NHS: variants seen among roughly 807,000 people sequenced by gnomAD.
NHS encodes NHS actin remodeling regulator.
NHS carries 5 observed loss-of-function variants against 72.5 expected under a neutral mutation model. That is an observed-to-expected ratio of 0.07 (90% CI 0.04 to 0.14). The LOEUF (loss-of-function observed/expected upper bound fraction) is 0.14. Among genes scored for constraint, NHS ranks in the 10% least tolerant of loss-of-function variants. The pLI is 1.00. For synonymous variants in NHS, 464 were observed against 547.7 expected, an observed-to-expected ratio of 0.85 and a Z score of 2.13; for missense variants, 1,072 against 1,355.7, an observed-to-expected ratio of 0.79 and a Z score of 3.29.
rs922764589 is a variant in NHS, at chrX:17,432,660, G to T, written c.565+56338G>T. Among the ~76,000 whole-genome samples, 12 of 112,049 alleles carry T rather than the reference G, an allele frequency of 1.1e-4. No individual in the cohort carries two copies. The Admixed American group carries it at 1.1e-3, about 11-fold the overall frequency. Reference sequence around the variant, plus strand: ...CAATTGTTTTGGTATTTCCTGTTAGGACTTGCATGGAGGGCAATAAATATT... The same window carrying T: ...CAATTGTTTTGGTATTTCCTGTTAGTACTTGCATGGAGGGCAATAAATATT... On this transcript the variant is annotated intron_variant, in intron 1 of 8. Transcript: ENST00000676302.
At chrX:17,469,709 C>T (rs1273993231) in intron 1 of NHS, among the ~76,000 whole-genome samples, 10 of 112,237 alleles carry the variant, frequency 8.9e-5, no homozygotes, top group African/African-American at 3.2e-4. Context: ...GGCGTGATCT[C>T]GACTCTCTGC....
At chrX:17,503,052 T>G (rs2065042749) in intron 1 of NHS, among the ~76,000 whole-genome samples, 1 of 112,092 alleles carries the variant, frequency 8.9e-6, no homozygotes, top group African/African-American at 3.2e-5. Context: ...TCTTTAAAAA[T>G]GACCTAATCT....
chrX:17,689,394 T>C (rs1210067592), intron 2 of NHS, among the ~76,000 whole-genome samples: 1 of 112,352 alleles, frequency 8.9e-6, no homozygotes, highest in Non-Finnish European at 1.9e-5. Context: ...TTCAATTTTA[T>C]AGTTGGCTAA....
chrX:17,420,205 TA>T (rs1277700085), intron 1 of NHS, among the ~76,000 whole-genome samples: 1 of 112,249 alleles, frequency 8.9e-6, no homozygotes, highest in Non-Finnish European at 1.9e-5. Context: ...TTTGAGAAGC[TA>T]AAAAATAATT....
At chrX:17,437,979 C>T (rs2064732083) in intron 1 of NHS, among the ~76,000 whole-genome samples, 1 of 112,011 alleles carries the variant, frequency 8.9e-6, no homozygotes, top group African/African-American at 3.3e-5. Context: ...CATTTCAAAA[C>T]ATCATGCTGT....
chrX:17,627,838 T>C (rs1472212192), intron 1 of NHS, among the ~76,000 whole-genome samples: 2 of 112,473 alleles, frequency 1.8e-5, no homozygotes, highest in Non-Finnish European at 3.8e-5. Context: ...GCCCAAATCC[T>C]CTTCTACCTG....
At chrX:17,523,542 G>A (rs764613909) in intron 1 of NHS, among the ~76,000 whole-genome samples, 3 of 111,998 alleles carry the variant, frequency 2.7e-5, no homozygotes, top group Non-Finnish European at 5.6e-5. Flanking sequence ...CTCATCCCAA[G>A]GCTCCTGACA....
chrX:17,380,227 G>A (rs1205655304), intron 1 of NHS, among the ~76,000 whole-genome samples: 1 of 111,748 alleles, frequency 8.9e-6, no homozygotes, highest in Non-Finnish European at 1.9e-5. Context: ...AGGAAGATAA[G>A]CACTGAGAAG....
intron 1 of NHS, among the ~76,000 whole-genome samples, chrX:17,447,328 G>T (rs939404541): frequency 3.6e-5 from 4 of 111,816 alleles, no homozygotes; most frequent in African/African-American, 1.3e-4. Flanking sequence ...TTCTAACTCT[G>T]AAAGCACTTC....
chrX:17,728,328 G>A lies in NHS; in HGVS notation c.4222G>A (p.Glu1408Lys). Residue 1408 changes from glutamate (E) to lysine (K), a missense_variant and splice_region_variant, in exon 7 of 9, where the codon GAA becomes AAA. Physicochemically the swap from Glu to Lys is moderately conservative, Grantham distance 56. Coordinates refer to ENST00000676302, the MANE Select transcript of NHS (RefSeq NM_001291867.2). ...AAATGTGGATGAGGCTTCATTGAAA[G>A]GTCAGTCACTGATAACTTTGTCATA... ...QGNVDEASLK[E>K]SSPSDDSIIS... The A allele has an allele frequency of 1.7e-6, 2 of 1,206,251 alleles. No homozygotes were observed. The highest frequency in any genetic ancestry group is 2.2e-6 in the Non-Finnish European group (2 of 890,599).
chrX:17,432,792 A>C (rs1038000562), intron 1 of NHS, among the ~76,000 whole-genome samples: 5 of 111,116 alleles, frequency 4.5e-5, no homozygotes, highest in African/African-American at 1.3e-4. Flanking sequence ...ATATGCATGC[A>C]GAGACAGTAT....
At chrX:17,531,790 C>T (rs1777087732) in intron 1 of NHS, among the ~76,000 whole-genome samples, 1 of 112,702 alleles carries the variant, frequency 8.9e-6, no homozygotes, top group Non-Finnish European at 1.9e-5. Context: ...CCCCACCTCA[C>T]CTGCTTAGTG....
Position 17,687,751 on chromosome X carries a change from A to T in NHS, c.575A>T (p.Asn192Ile). ...GTTTCTTGTCTTGCAGCCGTCTCCA[A>T]CCTGGACATAGAGAGTAAGCTGAGT... ...DPKQEAVPVS[N>I]LDIESKLSVY... The change falls in exon 2 of 9, where the codon AAC (asparagine) becomes ATC (isoleucine). Residue 192 changes from asparagine to isoleucine, a missense_variant. Asn to Ile is a moderately radical substitution (Grantham distance 149). Transcript: ENST00000676302. The T allele has an allele frequency of 8.3e-7, 1 of 1,212,007 alleles. No individual in the cohort carries two copies. Among genetic ancestry groups the T allele is most frequent in the Non-Finnish European group, 1.1e-6 (1 of 895,580 alleles).
chrX:17,470,936 G>GA (rs912656034), intron 1 of NHS, among the ~76,000 whole-genome samples: 14 of 111,160 alleles, frequency 1.3e-4, no homozygotes, highest in African/African-American at 4.3e-4. Context: ...GATGGCAGTG[G>GA]GGGGGTGTTG....
intron 4 of NHS, among the ~76,000 whole-genome samples, chrX:17,720,041 CAA>C (rs1474629729): frequency 3.6e-5 from 4 of 111,959 alleles, no homozygotes; most frequent in African/African-American, 1.3e-4. Context: ...ACCTAGGAAA[CAA>C]AGTCTTTTGT....
chrX:17,534,111 T>C (rs1315758270), intron 1 of NHS, among the ~76,000 whole-genome samples: 2 of 112,235 alleles, frequency 1.8e-5, no homozygotes, highest in South Asian at 3.7e-4. Flanking sequence ...TGTGTGTGTG[T>C]GTGTGTGTGT....
intron 1 of NHS, among the ~76,000 whole-genome samples, chrX:17,645,307 G>A (rs1481024006): frequency 8.9e-6 from 1 of 111,905 alleles, no homozygotes; most frequent in Non-Finnish European, 1.9e-5. Flanking sequence ...TATTATGGGG[G>A]AAATAAGCCT....
At chrX:17,420,023 C>T (rs914804855) in intron 1 of NHS, among the ~76,000 whole-genome samples, 1 of 111,306 alleles carries the variant, frequency 9.0e-6, no homozygotes, top group Non-Finnish European at 1.9e-5. Flanking sequence ...TTTAATTCTC[C>T]GTGCCATAGT....
chrX:17,383,882 C>G (rs1333920439), intron 1 of NHS, among the ~76,000 whole-genome samples: 1 of 111,983 alleles, frequency 8.9e-6, no homozygotes, highest in African/African-American at 3.3e-5. Context: ...AGAAGGGTAA[C>G]AAAAGGAACT....
Sources: gnomAD v4.1 joint callset for allele counts (sites outside exome capture counted in the v4.1 genomes callset) on GRCh38, gnomAD v4.1.1 for gene constraint, MANE v1.5 for transcripts, NCBI Gene and HGNC (gene_info 2026-07-23, HGNC 2026-07-21) for gene names.